EHBP1: variants seen among roughly 807,000 people sequenced by gnomAD.
The protein encoded by EHBP1 is EH domain-binding protein 1.
Under a neutral mutation model 144.0 loss-of-function variants are expected in EHBP1, and 55 were observed. The observed-to-expected ratio is 0.38, with a 90% confidence interval of 0.31 to 0.48. The LOEUF (loss-of-function observed/expected upper bound fraction) is 0.48. Among genes scored for constraint, EHBP1 ranks in the 20% least tolerant of loss-of-function variants. EHBP1 has a pLI of 0.98. For synonymous variants in EHBP1, 469 were observed against 472.7 expected (o/e 0.99, Z 0.10); for missense variants, 1,200 against 1,364.2 (o/e 0.88, Z 1.90).
chr2:63,042,641 T>A (rs1416061164), intron 21 of EHBP1, among the ~76,000 whole-genome samples: 1 of 151,984 alleles, frequency 6.6e-6, no homozygotes, highest in Non-Finnish European at 1.5e-5. Context: ...ATTACTGAGC[T>A]AGGGAAAAGT....
intron 1 of EHBP1, among the ~76,000 whole-genome samples, chr2:62,688,195 G>A (rs1380277160): frequency 1.3e-5 from 2 of 152,134 alleles, no homozygotes; most frequent in Non-Finnish European, 2.9e-5. Flanking sequence ...ATTTCCAATA[G>A]CATGAGAGAG....
At chr2:62,861,199 G>A (rs996219758) in intron 8 of EHBP1, among the ~76,000 whole-genome samples, 8 of 139,168 alleles carry the variant, frequency 5.7e-5, no homozygotes, top group Non-Finnish European at 9.0e-5. Context: ...GCACATTCTC[G>A]GCTCACTGCA....
intron 5 of EHBP1, among the ~76,000 whole-genome samples, chr2:62,825,569 G>A (rs1352704447): frequency 1.4e-5 from 2 of 147,954 alleles, no homozygotes; most frequent in Non-Finnish European, 3.0e-5. Flanking sequence ...GAAGAAATAA[G>A]ACTCAAATTA....
At chr2:62,987,231 C>T (rs1349329331) in intron 15 of EHBP1, among the ~76,000 whole-genome samples, 1 of 152,012 alleles carries the variant, frequency 6.6e-6, no homozygotes, top group Non-Finnish European at 1.5e-5. Flanking sequence ...AAATTGACTC[C>T]ATTAATTAAT....
Position 62,942,720 on chromosome 2 carries a change from A to C in EHBP1, c.1188A>C (p.Pro396=). 1 of 1,568,804 alleles carries C rather than the reference A, an allele frequency of 6.4e-7. No homozygotes were observed. The highest frequency in any genetic ancestry group is 1.2e-5 in the South Asian group (1 of 83,540). The part of the protein sequence containing the change: ...AGKDLSTSPK[P]SPIPSPVLGR... The stretch of plus-strand genomic sequence containing the variant: ...TTCCCCTTTTCATTTTTTTCTAGCC[A>C]AGCCCTATACCAAGTCCTGTTTTGG... Residue 396 remains proline, a splice_region_variant and synonymous_variant, in exon 11 of 23, where the codon CCA becomes CCC. Coordinates refer to ENST00000431489, the MANE Select transcript of EHBP1 (RefSeq NM_001142616.3).
In EHBP1 at chr2:62,856,543, C is replaced by T. The variant is rs62179329; in HGVS notation, c.635-2626C>T. On this transcript the variant is annotated intron_variant, in intron 7 of 22. Coordinates refer to ENST00000431489, the MANE Select transcript of EHBP1 (RefSeq NM_001142616.3). ...TACCCTCATCACTCCATGCCTGACT[C>T]GCCCTTGGTAGGCATGGGATCCAGG... 8.4e-3 allele frequency among the ~76,000 whole-genome samples: 1,280 copies of T among 152,286 alleles called. 8 individuals carry two copies. The highest frequency in any genetic ancestry group is 0.011 in the Non-Finnish European group (739 of 68,016).
chr2:62,690,101 A>G (rs1329057190), intron 1 of EHBP1, among the ~76,000 whole-genome samples: 1 of 152,226 alleles, frequency 6.6e-6, no homozygotes, highest in Non-Finnish European at 1.5e-5. Flanking sequence ...GGACTGGGCC[A>G]TCTTTCAATA....
At chr2:62,993,369 A>G (rs1240496670) in intron 16 of EHBP1, among the ~76,000 whole-genome samples, 161 bp from the exon 17 acceptor site, 1 of 152,192 alleles carries the variant, frequency 6.6e-6, no homozygotes, top group Non-Finnish European at 1.5e-5. Context: ...ATTACAGGCA[A>G]CAGAACTTGC....
chr2:62,861,719 G>A (rs931888323), intron 8 of EHBP1, among the ~76,000 whole-genome samples: 1 of 151,326 alleles, frequency 6.6e-6, no homozygotes. Context: ...CCCAGCCTGG[G>A]CGACAGAGTG....
intron 1 of EHBP1, among the ~76,000 whole-genome samples, chr2:62,688,610 C>G (rs916852331): frequency 3.3e-5 from 5 of 152,072 alleles, no homozygotes; most frequent in Admixed American, 1.3e-4. Context: ...TAATAAATCT[C>G]CCCCTATTCC....
chr2:62,981,121 T>C (rs1200341425), intron 15 of EHBP1, among the ~76,000 whole-genome samples: 2 of 150,186 alleles, frequency 1.3e-5, no homozygotes, highest in Non-Finnish European at 3.0e-5. Context: ...TCGACTCCTA[T>C]CATGCAGCTA....
chr2:62,993,795 A>C, intron 17 of EHBP1, 76 bp from the exon 18 acceptor site: 1 of 1,169,232 alleles, frequency 8.6e-7, no homozygotes, highest in Non-Finnish European at 1.2e-6. Flanking sequence ...TAATCTGGTA[A>C]TGTAAATTCA....
chr2:62,850,637 T>G (rs2048627817), intron 7 of EHBP1, among the ~76,000 whole-genome samples: 1 of 152,112 alleles, frequency 6.6e-6, no homozygotes, highest in Non-Finnish European at 1.5e-5. Flanking sequence ...TTTCCAAACG[T>G]TTTCAATTTT....
intron 19 of EHBP1, among the ~76,000 whole-genome samples, chr2:63,005,048 C>T (rs942736332): frequency 6.6e-6 from 1 of 152,052 alleles, no homozygotes; most frequent in African/African-American, 2.4e-5. Context: ...GAAAATGATC[C>T]AATTTCTGAA....
chr2:63,031,282 A>G (rs2061236996), intron 19 of EHBP1, among the ~76,000 whole-genome samples: 1 of 152,032 alleles, frequency 6.6e-6, no homozygotes, highest in South Asian at 2.1e-4. Context: ...CCTTCAGGAG[A>G]GTGGAGAGCT....
chr2:62,972,287 G>A (rs547168017), intron 14 of EHBP1, among the ~76,000 whole-genome samples: 25 of 152,192 alleles, frequency 1.6e-4, no homozygotes, highest in African/African-American at 5.8e-4. Context: ...TGTGCTGAAC[G>A]CTATACAGAA....
At chr2:62,702,384 A>C (rs1195304233), upstream of EHBP1, among the ~76,000 whole-genome samples, 3 of 152,214 alleles carry the variant, frequency 2.0e-5, no homozygotes, top group Non-Finnish European at 4.4e-5. Flanking sequence ...ACGATAAATC[A>C]AGATCCGAGT....
At chr2:62,805,947 G>A (rs1049191747) in intron 5 of EHBP1, among the ~76,000 whole-genome samples, 5 of 151,772 alleles carry the variant, frequency 3.3e-5, no homozygotes, top group Non-Finnish European at 5.9e-5. Context: ...TGATATCATC[G>A]AATTAATGTC....
At chr2:62,836,311 G>A (rs2047248155) in intron 7 of EHBP1, among the ~76,000 whole-genome samples, 1 of 150,220 alleles carries the variant, frequency 6.7e-6, no homozygotes, top group Non-Finnish European at 1.5e-5. Context: ...CTAACAAACA[G>A]AAAGGACATC....
Sources: allele counts gnomAD v4.1 joint callset (sites outside exome capture counted in the v4.1 genomes callset), GRCh38; gene constraint gnomAD v4.1.1; transcripts MANE v1.5; gene names NCBI Gene and HGNC (gene_info 2026-07-23, HGNC 2026-07-21).